Variants in TBC1D1 observed in about 807,000 individuals in gnomAD.
The protein encoded by TBC1D1 is TBC1 (tre-2/USP6, BUB2, cdc16) domain family, member 1.
A neutral mutation model predicts 125.6 loss-of-function variants in TBC1D1; 89 were observed. The ratio of observed to expected loss-of-function variants is 0.71; its 90% CI spans 0.60 to 0.85. The LOEUF (loss-of-function observed/expected upper bound fraction) is 0.85, where lower values mean the gene tolerates loss of function less well. Ranked by LOEUF, TBC1D1 falls within the 40% of genes least tolerant of loss-of-function variation. The pLI is 0.00. For missense variants in TBC1D1, 1,377 were observed against 1,469.2 expected (o/e 0.94, Z 1.03); for synonymous variants, 565 against 564.1 (o/e 1.00, Z -0.02).
At chr4:37,965,247 C>T (rs766529304) in intron 2 of TBC1D1, among the ~76,000 whole-genome samples, 9 of 152,164 alleles carry the variant, frequency 5.9e-5, no homozygotes, top group South Asian at 4.1e-4. Flanking sequence ...TTCAGTTTCC[C>T]CATCCAAAAA....
intron 12 of TBC1D1, chr4:38,060,803 G>T (rs566741604): frequency 4.6e-6 from 2 of 436,696 alleles, no homozygotes; most frequent in Non-Finnish European, 4.0e-6. Context: ...TTAAAAGGCA[G>T]ACTCTGTTGC....
chr4:38,007,031 C>T (rs1284313581), intron 2 of TBC1D1: 9 of 393,866 alleles, frequency 2.3e-5, no homozygotes, highest in Middle Eastern at 4.3e-4. Flanking sequence ...TGGAATCAGT[C>T]GGCCTGGCGA....
intron 19 of TBC1D1, 62 bp downstream of exon 21, chr4:38,133,319 C>A: frequency 6.7e-7 from 1 of 1,484,926 alleles, no homozygotes; most frequent in South Asian, 1.3e-5. Context: ...ATTAACTCAC[C>A]AAAGGCAACA....
chr4:38,045,709 TA>T (rs1749314027), intron 9 of TBC1D1, 107 bp from the exon 10 acceptor site: 1 of 739,288 alleles, frequency 1.4e-6, no homozygotes, highest in Non-Finnish European at 2.4e-6. Context: ...CATTTCTCAG[TA>T]GATAACATTT....
chr4:38,121,524 G>A (rs1431244662), intron 17 of TBC1D1, among the ~76,000 whole-genome samples: 1 of 152,184 alleles, frequency 6.6e-6, no homozygotes, highest in Non-Finnish European at 1.5e-5. Flanking sequence ...TGAAAAAGGA[G>A]AGGAGAGAAG....
rs1311016658 is a variant in TBC1D1, at chr4:38,103,763, A to G, written c.2557+606A>G. Among the ~76,000 whole-genome samples, 8 of 152,224 alleles carry G rather than the reference A, an allele frequency of 5.3e-5. 1 individual carries two copies. On this transcript the variant is annotated intron_variant, in intron 15 of 19. Coordinates refer to ENST00000261439, the MANE Select transcript of TBC1D1 (RefSeq NM_015173.4). Reference sequence around the variant, plus strand: ...GGAAAGTATTTGGGAAGAAAAATCAATGAAAACTAAACAATAATATAGATT... The same window carrying G: ...GGAAAGTATTTGGGAAGAAAAATCAGTGAAAACTAAACAATAATATAGATT...
intron 1 of TBC1D1, among the ~76,000 whole-genome samples, chr4:37,897,032 A>G (rs1414947401): frequency 1.3e-5 from 2 of 152,118 alleles, no homozygotes; most frequent in Non-Finnish European, 2.9e-5. Context: ...TACTAACAAG[A>G]ACGTTACTAG....
At chr4:37,992,984 A>G (rs1055163305) in intron 2 of TBC1D1, among the ~76,000 whole-genome samples, 2 of 151,178 alleles carry the variant, frequency 1.3e-5, no homozygotes. Context: ...TTGTATTTTT[A>G]GTAGAGATGG....
At chr4:38,109,311 C>T (rs1015383467) in intron 15 of TBC1D1, among the ~76,000 whole-genome samples, 4 of 152,110 alleles carry the variant, frequency 2.6e-5, no homozygotes, top group East Asian at 1.9e-4. Flanking sequence ...AGGATCACAT[C>T]GTGGGATCAT....
chr4:37,971,797 C>T (rs1280935947), intron 2 of TBC1D1, among the ~76,000 whole-genome samples: 1 of 152,204 alleles, frequency 6.6e-6, no homozygotes, highest in Non-Finnish European at 1.5e-5. Flanking sequence ...CCAGAGTCAA[C>T]ATTATGGGTC....
intron 2 of TBC1D1, among the ~76,000 whole-genome samples, chr4:37,999,605 C>T (rs1016365649): frequency 2.0e-5 from 3 of 151,954 alleles, no homozygotes; most frequent in Admixed American, 2.0e-4. Context: ...GAGAGCAGGC[C>T]TGTGGGGGGA....
At chr4:38,050,747 C>T (rs951920809) in intron 11 of TBC1D1, among the ~76,000 whole-genome samples, 6 of 152,214 alleles carry the variant, frequency 3.9e-5, no homozygotes, top group Non-Finnish European at 7.3e-5. Flanking sequence ...AGTTCATACA[C>T]GGATCATTGA....
chr4:38,052,194 TGCGC>T (rs561090742), intron 11 of TBC1D1, 134 bp downstream of exon 12: 223 of 581,374 alleles, frequency 3.8e-4, no homozygotes, highest in South Asian at 1.2e-3. Flanking sequence ...TGTGTGTGTG[TGCGC>T]GCGCGTGTGT....
At chr4:37,959,862 C>A (rs1351295819) in intron 2 of TBC1D1, among the ~76,000 whole-genome samples, 1 of 152,138 alleles carries the variant, frequency 6.6e-6, no homozygotes, top group Non-Finnish European at 1.5e-5. Context: ...CCTCTCGGCT[C>A]TCCCCACCAC....
intron 2 of TBC1D1, among the ~76,000 whole-genome samples, chr4:37,931,011 A>G (rs955848516): frequency 7.2e-5 from 11 of 152,212 alleles, no homozygotes; most frequent in African/African-American, 2.7e-4. Context: ...ATGAGAGAAT[A>G]CATGGTTGTT....
At chr4:38,127,039 AT>A (rs1578846460) in intron 18 of TBC1D1, among the ~76,000 whole-genome samples, 2 of 150,322 alleles carry the variant, frequency 1.3e-5, no homozygotes, top group African/African-American at 4.9e-5. Flanking sequence ...ACTTACTTAC[AT>A]TTACAGCTTC....
intron 19 of TBC1D1, among the ~76,000 whole-genome samples, chr4:38,133,973 A>G (rs1766039357): frequency 6.6e-6 from 1 of 152,198 alleles, no homozygotes. Context: ...CTCTTTTGTC[A>G]ATCTGATGGC....
chr4:38,122,519 C>T (rs1484428437), intron 17 of TBC1D1, among the ~76,000 whole-genome samples: 3 of 152,140 alleles, frequency 2.0e-5, no homozygotes, highest in Non-Finnish European at 4.4e-5. Context: ...TGAGGTCTGA[C>T]CTAGGAAATT....
At chr4:38,053,173 T>G in intron 11 of TBC1D1, 1 of 1,538,154 alleles carries the variant, frequency 6.5e-7, no homozygotes, top group Non-Finnish European at 8.8e-7. Flanking sequence ...TTTTCTAAAA[T>G]TTCTGGCTCC....
Sources: allele counts gnomAD v4.1 joint callset (sites outside exome capture counted in the v4.1 genomes callset), GRCh38; gene constraint gnomAD v4.1.1; transcripts MANE v1.5; gene names NCBI Gene and HGNC (gene_info 2026-07-23, HGNC 2026-07-21).